GRIK4: variants seen among roughly 807,000 people sequenced by gnomAD.
GRIK4 encodes glutamate receptor ionotropic, kainate 4.
Under a neutral mutation model 104.9 loss-of-function variants are expected in GRIK4, and 40 were observed. That is an observed-to-expected ratio of 0.38 (90% CI 0.30 to 0.50). The LOEUF (loss-of-function observed/expected upper bound fraction) is 0.50. GRIK4 is among the 20% of genes least tolerant of loss of function. GRIK4 has a pLI of 0.93. For synonymous variants in GRIK4, 485 were observed against 524.9 expected (o/e 0.92, Z 1.04); for missense variants, 1,047 against 1,308.1 (o/e 0.80, Z 3.08).
At chr11:120,950,392 G>T (rs553061132) in intron 14 of GRIK4, among the ~76,000 whole-genome samples, 1 of 152,282 alleles carries the variant, frequency 6.6e-6, no homozygotes, top group African/African-American at 2.4e-5. Flanking sequence ...AACCAAATAT[G>T]GCAGCTTTAA....
chr11:120,838,184 C>T (rs1406151402), intron 8 of GRIK4, among the ~76,000 whole-genome samples: 1 of 152,118 alleles, frequency 6.6e-6, no homozygotes, highest in African/African-American at 2.4e-5. Flanking sequence ...AAAGCACTGG[C>T]CTGTGAAGTC....
chr11:120,650,199 G>A (rs1170064802), intron 1 of GRIK4, among the ~76,000 whole-genome samples: 1 of 152,174 alleles, frequency 6.6e-6, no homozygotes, highest in Non-Finnish European at 1.5e-5. Context: ...TGCCTTTTCT[G>A]TGAAGGATGC....
At chr11:120,717,070 C>T (rs1395083785) in intron 3 of GRIK4, among the ~76,000 whole-genome samples, 1 of 152,154 alleles carries the variant, frequency 6.6e-6, no homozygotes, top group Non-Finnish European at 1.5e-5. Flanking sequence ...GGCTCCTCGT[C>T]GCTCTGACAG....
At chr11:120,537,057 T>A (rs1947985137) in intron 1 of GRIK4, among the ~76,000 whole-genome samples, 1 of 152,136 alleles carries the variant, frequency 6.6e-6, no homozygotes, top group Non-Finnish European at 1.5e-5. Flanking sequence ...CACAGTTCTT[T>A]CGGAAGAGAG....
chr11:120,914,730 G>A (rs1943070595), intron 13 of GRIK4, among the ~76,000 whole-genome samples: 1 of 152,158 alleles, frequency 6.6e-6, no homozygotes, highest in Admixed American at 6.5e-5. Context: ...TGTCCAGAGC[G>A]CTAGTGGGAG....
At chr11:120,874,327 T>C (rs1954709000) in intron 10 of GRIK4, 109 bp downstream of exon 10, 3 of 828,960 alleles carry the variant, frequency 3.6e-6, no homozygotes, top group Non-Finnish European at 5.7e-6. Flanking sequence ...AATGTGTCTG[T>C]TATTACAGCC....
chr11:120,875,724 G>A (rs74484088), intron 11 of GRIK4, among the ~76,000 whole-genome samples: 3,402 of 152,058 alleles, frequency 0.022, 118 homozygotes, highest in African/African-American at 0.076. Flanking sequence ...TCTCCTGGCC[G>A]CTCCCTGCCT....
intron 11 of GRIK4, 97 bp downstream of exon 11, chr11:120,875,340 C>A: frequency 1.3e-6 from 1 of 788,086 alleles, no homozygotes; most frequent in Non-Finnish European, 2.2e-6. Flanking sequence ...CCCAGTTATC[C>A]CCAACAGCAG....
intron 3 of GRIK4, among the ~76,000 whole-genome samples, chr11:120,771,499 AG>A (rs1951941390): frequency 6.6e-6 from 1 of 152,228 alleles, no homozygotes; most frequent in Non-Finnish European, 1.5e-5. Context: ...GATATTCGAG[AG>A]GAAAGAAATG....
At position 120,767,901 on chromosome 11, in the gene GRIK4, G is replaced by A. The variant is rs1046921709; in HGVS notation, c.83-34792G>A. On this transcript the variant is annotated intron_variant, in intron 3 of 20. Transcript: ENST00000527524. ...TGGGTTCTCCATTCTGGTTCCATTG[G>A]TCTGTGTTTCTGTTTTTAGCCAGTA... Among the ~76,000 whole-genome samples the A allele has an allele frequency of 3.9e-5, 6 of 152,012 alleles. No homozygotes were observed. In the South Asian group the frequency reaches 6.2e-4, roughly 16 times the overall value.
rs569769122 is a variant in GRIK4, at chr11:120,666,668, T to C, written c.82+6268T>C. ...TTTCCATATCATTTTGGTATGTGGCTGCCTGTGTTCATTTGTGCTAGAATG... is the reference window on the plus strand; with the variant it reads ...TTTCCATATCATTTTGGTATGTGGCCGCCTGTGTTCATTTGTGCTAGAATG... On this transcript the variant is annotated intron_variant, in intron 3 of 20. Transcript: ENST00000527524. Among the ~76,000 whole-genome samples the C allele has an allele frequency of 1.2e-4, 18 of 152,364 alleles. No individual in the cohort carries two copies. In the South Asian group the frequency reaches 3.5e-3, roughly 30 times the overall value.
intron 5 of GRIK4, among the ~76,000 whole-genome samples, chr11:120,818,334 C>T (rs964299037): frequency 6.6e-6 from 1 of 152,210 alleles, no homozygotes; most frequent in Non-Finnish European, 1.5e-5. Context: ...CCATTTGTGA[C>T]CTTTTCCTTT....
intron 1 of GRIK4, among the ~76,000 whole-genome samples, chr11:120,583,618 A>G (rs758841219): frequency 4.6e-5 from 7 of 152,110 alleles, no homozygotes; most frequent in Admixed American, 1.3e-4. Flanking sequence ...TACTGTAACC[A>G]TGTAGTGTAG....
intron 11 of GRIK4, among the ~76,000 whole-genome samples, chr11:120,880,065 AG>A (rs1954924724): frequency 6.6e-6 from 1 of 152,182 alleles, no homozygotes; most frequent in African/African-American, 2.4e-5. Flanking sequence ...TAAGCCTTTG[AG>A]GTTTGCTATT....
At chr11:120,909,470 G>A (rs1482932722) in intron 13 of GRIK4, among the ~76,000 whole-genome samples, 2 of 152,196 alleles carry the variant, frequency 1.3e-5, no homozygotes, top group Non-Finnish European at 2.9e-5. Context: ...CAGGGATCCT[G>A]CCCAGACATT....
intron 3 of GRIK4, among the ~76,000 whole-genome samples, chr11:120,721,231 A>G (rs1332029518): frequency 6.6e-6 from 1 of 152,184 alleles, no homozygotes; most frequent in African/African-American, 2.4e-5. Flanking sequence ...GCTGTCAGCT[A>G]GTCAACAAAA....
chr11:120,833,141 G>A (rs575913053), intron 7 of GRIK4, among the ~76,000 whole-genome samples: 13 of 151,394 alleles, frequency 8.6e-5, no homozygotes, highest in African/African-American at 2.9e-4. Flanking sequence ...GTTAATAAGA[G>A]ATTTGAATGA....
intron 3 of GRIK4, among the ~76,000 whole-genome samples, chr11:120,783,673 T>A (rs1239996726): frequency 6.6e-6 from 1 of 152,178 alleles, no homozygotes; most frequent in Non-Finnish European, 1.5e-5. Flanking sequence ...CTGTGGTAAG[T>A]GATATTTCTT....
intron 6 of GRIK4, among the ~76,000 whole-genome samples, chr11:120,824,410 G>A (rs1953201257): frequency 6.6e-6 from 1 of 152,150 alleles, no homozygotes; most frequent in African/African-American, 2.4e-5. Flanking sequence ...GGGCCTGTTG[G>A]TCAGATCACC....
Sources: allele counts gnomAD v4.1 joint callset (sites outside exome capture counted in the v4.1 genomes callset), GRCh38; gene constraint gnomAD v4.1.1; transcripts MANE v1.5; gene names NCBI Gene and HGNC (gene_info 2026-07-23, HGNC 2026-07-21).